The following RUNX1T1 variants were observed in gnomAD, a reference collection of about 807,000 sequenced individuals.
The protein encoded by RUNX1T1 is protein CBFA2T1.
Under a neutral mutation model 62.8 loss-of-function variants are expected in RUNX1T1, and 4 were observed. That is an observed-to-expected ratio of 0.06 (90% CI 0.03 to 0.15). RUNX1T1 has a LOEUF of 0.15. Ranked by LOEUF, RUNX1T1 falls within the 10% of genes least tolerant of loss-of-function variation. The probability of loss-of-function intolerance (pLI) is 1.00; values close to 1 mark genes in which losing one functional copy is unlikely to be tolerated. For synonymous variants in RUNX1T1, 291 were observed against 286.0 expected, an observed-to-expected ratio of 1.02 and a Z score of -0.18; for missense variants, 508 against 754.3, an observed-to-expected ratio of 0.67 and a Z score of 3.82.
In RUNX1T1 at chr8:92,034,797, TACACAC is replaced by T. The variant is rs200718439; in HGVS notation, c.8-17440_8-17435del. On this transcript the variant is annotated intron_variant, in intron 1 of 10. Coordinates refer to ENST00000396218, the Ensembl canonical transcript of RUNX1T1. ...ATATACACATATATATATACATATATACACACACACACACACACACACACACACACA... is the reference window on the plus strand; with the variant it reads ...ATATACACATATATATATACATATATACACACACACACACACACACACACA... Among the ~76,000 whole-genome samples, 618 of 96,832 alleles carry T rather than the reference TACACAC, an allele frequency of 6.4e-3. 13 individuals are homozygous for T. Among genetic ancestry groups the T allele is most frequent in the East Asian group, 0.013 (57 of 4,526 alleles). The allele number at this position is 96,832 out of a possible 152,430, so 63.5% of individuals were successfully genotyped here. A position where few individuals can be genotyped will look rare whatever the true frequency, so the allele number is the denominator to read the frequency against.
intron 5 of RUNX1T1, among the ~76,000 whole-genome samples, chr8:92,001,301 G>A (rs559434501): frequency 1.1e-4 from 16 of 152,132 alleles, no homozygotes; most frequent in African/African-American, 3.9e-4. Flanking sequence ...AGGCCAAGGT[G>A]GGAGGATCAC....
intron 9 of RUNX1T1, among the ~76,000 whole-genome samples, chr8:91,972,122 TTC>T (rs1396968992): frequency 3.3e-5 from 5 of 152,148 alleles, no homozygotes; most frequent in South Asian, 2.1e-4. Flanking sequence ...TAATTAAATG[TTC>T]TGTTTAATTA....
intron 1 of RUNX1T1, among the ~76,000 whole-genome samples, chr8:92,053,314 T>G (rs907554628): frequency 6.6e-5 from 10 of 152,206 alleles, no homozygotes; most frequent in Admixed American, 5.9e-4. Flanking sequence ...TACTTCTCTT[T>G]GCTAAAATCT....
intron 1 of RUNX1T1, among the ~76,000 whole-genome samples, chr8:92,039,428 T>A (rs968358727): frequency 2.2e-4 from 33 of 152,306 alleles, no homozygotes; most frequent in African/African-American, 5.3e-4. Flanking sequence ...AAAACCTCCA[T>A]AACAGTTCCT....
chr8:91,963,060 A>AT, intron 10 of RUNX1T1, among the ~76,000 whole-genome samples: 1 of 152,282 alleles, frequency 6.6e-6, no homozygotes, highest in East Asian at 1.9e-4. Context: ...GGGCTTCTTT[A>AT]TTTTTTAAAG....
intron 1 of RUNX1T1, among the ~76,000 whole-genome samples, chr8:92,045,627 C>T (rs749136877): frequency 1.3e-5 from 2 of 152,008 alleles, no homozygotes; most frequent in East Asian, 3.9e-4. Flanking sequence ...TTTCAAAATC[C>T]TCTCATGTTG....
At chr8:91,976,020 A>C (rs1462760005) in intron 8 of RUNX1T1, 47 bp from the exon 10 acceptor site, 1 of 1,330,172 alleles carries the variant, frequency 7.5e-7, no homozygotes, top group Non-Finnish European at 1.1e-6. Context: ...AGAGTACTGT[A>C]AGCACACTTG....
At chr8:92,059,312 G>A (rs1831529808) in intron 1 of RUNX1T1, among the ~76,000 whole-genome samples, 1 of 151,910 alleles carries the variant, frequency 6.6e-6, no homozygotes, top group Admixed American at 6.6e-5. Flanking sequence ...GCATTTAGAT[G>A]CATCTATTAA....
At chr8:91,994,012 C>CAAA (rs1221923674) in intron 5 of RUNX1T1, among the ~76,000 whole-genome samples, 8 of 151,700 alleles carry the variant, frequency 5.3e-5, no homozygotes. Context: ...ACAACAACAA[C>CAAA]AAAAAAACTG....
At chr8:91,964,878 T>C (rs1204531742) in intron 10 of RUNX1T1, among the ~76,000 whole-genome samples, 1 of 152,166 alleles carries the variant, frequency 6.6e-6, no homozygotes. Flanking sequence ...CCAACTTCAT[T>C]TCATTTCCAA....
At chr8:91,966,683 T>A (rs891882475) in intron 10 of RUNX1T1, among the ~76,000 whole-genome samples, 1 of 152,140 alleles carries the variant, frequency 6.6e-6, no homozygotes, top group African/African-American at 2.4e-5. Flanking sequence ...GATGATCAGA[T>A]TCAGTAAATT....
chr8:92,059,462 T>C (rs1831558789), intron 1 of RUNX1T1, among the ~76,000 whole-genome samples: 1 of 152,216 alleles, frequency 6.6e-6, no homozygotes, highest in African/African-American at 2.4e-5. Context: ...AATAGTCTAG[T>C]ACACAGTGGC....
At chr8:92,061,170 T>C (rs1214275201) in intron 1 of RUNX1T1, among the ~76,000 whole-genome samples, 1 of 152,250 alleles carries the variant, frequency 6.6e-6, no homozygotes, top group Non-Finnish European at 1.5e-5. Context: ...TTTGGTTTAT[T>C]ATGGGGTTTT....
chr8:91,956,027 A>G (rs574704482), downstream of RUNX1T1: 2 of 230,604 alleles, frequency 8.7e-6, no homozygotes, highest in African/African-American at 4.4e-5. Context: ...GAGCAGTTCC[A>G]TGTCATGTCA....
At chr8:92,044,820 A>G (rs1213776488) in intron 1 of RUNX1T1, among the ~76,000 whole-genome samples, 3 of 152,232 alleles carry the variant, frequency 2.0e-5, no homozygotes, top group African/African-American at 7.2e-5. Context: ...GTTTGACTGC[A>G]AAGTCCAACT....
rs988931200 is a variant in RUNX1T1, at chr8:92,005,306, G to A, written c.478-9C>T. On this transcript the variant is annotated splice_polypyrimidine_tract_variant and intron_variant, in intron 4 of 10. Transcript: ENST00000396218. ...AGCAGGGGCAAGTTGGCCTGCAAGG[G>A]AATGACAGGAATGAGAGGACGGACT... 1 of 1,607,500 alleles carries A rather than the reference G, an allele frequency of 6.2e-7. No homozygotes were observed. The highest frequency in any genetic ancestry group is 1.3e-5 in the African/African-American group (1 of 74,612).
At position 92,017,379 on chromosome 8, in the gene RUNX1T1, AG is replaced by A; in HGVS notation, c.8-17del. 6.2e-7 allele frequency: 1 copy of A among 1,614,094 alleles called. No homozygotes were observed. Among genetic ancestry groups the A allele is most frequent in the Middle Eastern group, 1.7e-4 (1 of 6,058 alleles). The stretch of plus-strand genomic sequence containing the variant: ...TCAGTACGATCTGGAGGATGCCACC[AG>A]GAACATATTATTTTACTCCTTAAGC... On this transcript the variant is annotated splice_polypyrimidine_tract_variant and intron_variant, in intron 1 of 10. Transcript: ENST00000396218.
intron 5 of RUNX1T1, among the ~76,000 whole-genome samples, chr8:91,999,263 A>G (rs1282201474): frequency 1.3e-5 from 2 of 152,212 alleles, no homozygotes; most frequent in African/African-American, 4.8e-5. Flanking sequence ...AGATTACTCC[A>G]GAATGTGTAC....
chr8:92,018,905 C>T (rs911034215), intron 1 of RUNX1T1, among the ~76,000 whole-genome samples: 8 of 152,174 alleles, frequency 5.3e-5, no homozygotes, highest in African/African-American at 1.7e-4. Flanking sequence ...TGAATCTATA[C>T]TTCTGGCTGA....
Sources: gnomAD v4.1 joint callset for allele counts (sites outside exome capture counted in the v4.1 genomes callset) on GRCh38, gnomAD v4.1.1 for gene constraint, MANE v1.5 for transcripts, NCBI Gene and HGNC (gene_info 2026-07-23, HGNC 2026-07-21) for gene names.